The following WDHD1 variants were observed in gnomAD, a reference collection of about 807,000 sequenced individuals.
WDHD1 encodes WD repeat and HMG-box DNA binding protein 1.
A neutral mutation model predicts 135.4 loss-of-function variants in WDHD1; 111 were observed. The observed-to-expected ratio is 0.82, with a 90% confidence interval of 0.70 to 0.96. The LOEUF is 0.96. WDHD1 is among the 40% of genes least tolerant of loss of function. The probability of loss-of-function intolerance (pLI) is 0.00; values close to 1 mark genes in which losing one functional copy is unlikely to be tolerated. For missense variants in WDHD1, 1,351 were observed against 1,336.3 expected (o/e 1.01, Z -0.17); for synonymous variants, 434 against 439.0 (o/e 0.99, Z 0.14).
chr14:54,984,947 TG>T (rs1200814795), intron 14 of WDHD1, 87 bp from the exon 15 acceptor site: 13 of 1,542,158 alleles, frequency 8.4e-6, no homozygotes, highest in Non-Finnish European at 1.1e-5. Flanking sequence ...ATTGATTTTG[TG>T]GTAAATTACT....
intron 25 of WDHD1, among the ~76,000 whole-genome samples, chr14:54,942,266 A>G (rs2040852327): frequency 6.7e-6 from 1 of 149,220 alleles, no homozygotes; most frequent in Non-Finnish European, 1.5e-5. Flanking sequence ...AAATAAATAA[A>G]TAAATAAATA....
intron 21 of WDHD1, among the ~76,000 whole-genome samples, chr14:54,958,405 G>C (rs1345164668): frequency 6.6e-6 from 1 of 152,162 alleles, no homozygotes; most frequent in East Asian, 1.9e-4. Context: ...GGGATTACAA[G>C]CATGAGCCAC....
intron 2 of WDHD1, among the ~76,000 whole-genome samples, chr14:55,018,505 G>T (rs928756219): frequency 2.0e-5 from 3 of 152,088 alleles, no homozygotes; most frequent in African/African-American, 7.2e-5. Context: ...AAAAGAGTAG[G>T]CTTAAAATCT....
At chr14:54,979,107 C>CA (rs2041576032) in intron 16 of WDHD1, among the ~76,000 whole-genome samples, 2 of 152,026 alleles carry the variant, frequency 1.3e-5, no homozygotes, top group African/African-American at 4.8e-5. Flanking sequence ...CCTTCAAAGA[C>CA]TTTTTATCCT....
chr14:55,010,512 G>C, intron 3 of WDHD1, 52 bp from the exon 4 acceptor site: 3 of 1,404,498 alleles, frequency 2.1e-6, no homozygotes, highest in Non-Finnish European at 1.9e-6. Context: ...CCAAATGACT[G>C]GGAGTCTCTC....
At chr14:54,963,319 A>T in intron 18 of WDHD1, 147 bp from the exon 19 acceptor site, 1 of 680,310 alleles carries the variant, frequency 1.5e-6, no homozygotes, top group East Asian at 2.7e-5. Context: ...ACAAGTTTTA[A>T]CATCTCTGAA....
At chr14:54,977,541 A>G (rs867921437) in intron 16 of WDHD1, among the ~76,000 whole-genome samples, 7 of 152,200 alleles carry the variant, frequency 4.6e-5, no homozygotes, top group Admixed American at 3.9e-4. Context: ...CAATAAAGAA[A>G]TATTCTTTAT....
chr14:54,952,547 C>A (rs1011111487), intron 24 of WDHD1, among the ~76,000 whole-genome samples: 1 of 152,190 alleles, frequency 6.6e-6, no homozygotes, highest in Non-Finnish European at 1.5e-5. Flanking sequence ...GAATCACTAT[C>A]GTGAAAACGG....
intron 21 of WDHD1, among the ~76,000 whole-genome samples, chr14:54,961,169 AAC>A (rs1219903229): frequency 6.6e-6 from 1 of 151,942 alleles, no homozygotes; most frequent in Non-Finnish European, 1.5e-5. Context: ...TAAAACCTAC[AAC>A]AGTCTCTCAG....
intron 15 of WDHD1, among the ~76,000 whole-genome samples, chr14:54,983,755 G>C (rs776789497): frequency 5.9e-5 from 9 of 151,886 alleles, no homozygotes; most frequent in Non-Finnish European, 1.0e-4. Context: ...CTGGGCTCAA[G>C]TGATCCTCCT....
intron 16 of WDHD1, among the ~76,000 whole-genome samples, chr14:54,972,339 G>A (rs1407343599): frequency 6.6e-6 from 1 of 150,970 alleles, no homozygotes; most frequent in Non-Finnish European, 1.5e-5. Context: ...AGCACTTTGA[G>A]GGGTGAGGCA....
intron 16 of WDHD1, among the ~76,000 whole-genome samples, chr14:54,970,581 G>C (rs1410202253): frequency 3.4e-5 from 5 of 149,242 alleles, no homozygotes; most frequent in South Asian, 2.1e-4. Context: ...TGACCATACT[G>C]TGTCTGCAGC....
Position 54,939,339 on chromosome 14 carries a change from AG to A in WDHD1, c.*2150del, listed in dbSNP as rs1427957679. ...CCCCAGGTTGCTGCACAGATATGAG[AG>A]GCTTTAGATCATAGCACAGTCCCCA... On this transcript the variant is annotated 3_prime_UTR_variant, in exon 26 of 26. Coordinates refer to ENST00000360586, the MANE Select transcript of WDHD1 (RefSeq NM_007086.4). The A allele has an allele frequency of 6.6e-6, 1 of 152,178 alleles. No individual in the cohort carries two copies. Among genetic ancestry groups the A allele is most frequent in the Non-Finnish European group, 1.5e-5 (1 of 68,050 alleles). 9.4% of individuals were successfully genotyped at this position (152,178 alleles called of 1,614,324 possible). A position where few individuals can be genotyped will look rare whatever the true frequency, so the allele number is the denominator to read the frequency against.
chr14:55,005,329 C>G (rs2042047715), intron 7 of WDHD1: 1 of 556,594 alleles, frequency 1.8e-6, no homozygotes, highest in Non-Finnish European at 3.5e-6. Context: ...CCATAAGAAG[C>G]TGTGGCTCCT....
At position 54,989,179 on chromosome 14, in the gene WDHD1, T is replaced by A; in HGVS notation, c.1375A>T (p.Asn459Tyr). ...TCTATGGCATTGTCTTGCTCATCATTATAGCAGCGAATAATTCCAATAGAG... is the reference window on the plus strand; with the variant it reads ...TCTATGGCATTGTCTTGCTCATCATAATAGCAGCGAATAATTCCAATAGAG... ...WNSIGIIRCY[N>Y]DEQDNAIDVE... Residue 459 changes from asparagine to tyrosine, a missense_variant, in exon 13 of 26, where the codon AAT (asparagine) becomes TAT (tyrosine). By Grantham distance (143) the Asn-to-Tyr change is moderately radical (BLOSUM62 -2). Transcript: ENST00000360586. The A allele has an allele frequency of 6.2e-7, 1 of 1,613,388 alleles. No individual in the cohort carries two copies. The highest frequency in any genetic ancestry group is 1.1e-5 in the South Asian group (1 of 90,906).
At chr14:55,015,335 C>A (rs1332742813) in intron 2 of WDHD1, among the ~76,000 whole-genome samples, 1 of 128,838 alleles carries the variant, frequency 7.8e-6, no homozygotes, top group East Asian at 2.5e-4. Flanking sequence ...TGCAGTGAGC[C>A]GAGATCGCAC....
chr14:54,976,385 C>G (rs939611365), intron 16 of WDHD1, among the ~76,000 whole-genome samples: 2 of 151,992 alleles, frequency 1.3e-5, no homozygotes, highest in Non-Finnish European at 2.9e-5. Context: ...CCATGCCTGG[C>G]AGGGTCTCTC....
chr14:55,011,737 T>C lies in WDHD1; in HGVS notation c.190-1277A>G, dbSNP rs1036241458. On this transcript the variant is annotated intron_variant, in intron 3 of 25. Transcript: ENST00000360586. The stretch of plus-strand genomic sequence containing the variant: ...TTCTGAATCTCATTTTTTTTACTTA[T>C]TGTAAACTTATTTTCAACTTATTAT... Among the ~76,000 whole-genome samples the C allele has an allele frequency of 2.6e-5, 4 of 152,012 alleles. No homozygotes were observed. The South Asian group carries it at 8.3e-4, about 32-fold the overall frequency.
chr14:54,968,530 T>C (rs186218071), intron 16 of WDHD1, among the ~76,000 whole-genome samples: 3 of 151,838 alleles, frequency 2.0e-5, no homozygotes, highest in East Asian at 3.9e-4. Context: ...CTAAACAAAA[T>C]TGAGACTAAA....
Sources: gnomAD v4.1 joint callset for allele counts (sites outside exome capture counted in the v4.1 genomes callset) on GRCh38, gnomAD v4.1.1 for gene constraint, MANE v1.5 for transcripts, NCBI Gene and HGNC (gene_info 2026-07-23, HGNC 2026-07-21) for gene names.